The following NRF1 variants were observed in gnomAD, a reference collection of about 807,000 sequenced individuals.
NRF1 encodes the protein nuclear respiratory factor 1.
In NRF1, 5 loss-of-function variants were observed where a neutral mutation model predicts 58.5. The observed-to-expected ratio is 0.09, with a 90% CI of 0.04 to 0.18. The LOEUF is 0.18. NRF1 is among the 10% of genes least tolerant of loss of function. The pLI, the probability that NRF1 is intolerant of heterozygous loss-of-function variation, is 1.00. For missense variants in NRF1, 288 were observed against 657.7 expected (o/e 0.44, Z 6.15); for synonymous variants, 224 against 246.7 (o/e 0.91, Z 0.86).
At chr7:129,653,724 C>T (rs1801589941) in intron 1 of NRF1, among the ~76,000 whole-genome samples, 1 of 152,188 alleles carries the variant, frequency 6.6e-6, no homozygotes, top group African/African-American at 2.4e-5. Flanking sequence ...TAATTGGAAT[C>T]ATAAGTGTGT....
chr7:129,753,551 A>C (rs1245909010), intron 10 of NRF1, among the ~76,000 whole-genome samples: 4 of 152,182 alleles, frequency 2.6e-5, no homozygotes, highest in African/African-American at 9.7e-5. Context: ...CTAGTTTCAG[A>C]AGGAAGAGAG....
intron 10 of NRF1, chr7:129,744,326 T>C: frequency 9.7e-7 from 1 of 1,031,864 alleles, no homozygotes; most frequent in Non-Finnish European, 1.5e-6. Context: ...ATGGTGGGAT[T>C]CCTCTACTGT....
At chr7:129,633,902 T>G (rs1257607512) in intron 1 of NRF1, 1 of 151,416 alleles carries the variant, frequency 6.6e-6, no homozygotes, top group African/African-American at 2.4e-5. Flanking sequence ...TGTGAAAGTA[T>G]TCAGCATTAT....
At chr7:129,735,251 G>C (rs1803679547) in intron 10 of NRF1, 1 of 985,288 alleles carries the variant, frequency 1.0e-6, no homozygotes, top group African/African-American at 1.7e-5. Context: ...AATTAAAGCT[G>C]CTGGGTGCGG....
At chr7:129,712,663 G>A (rs952446904) in intron 8 of NRF1, among the ~76,000 whole-genome samples, 1 of 152,188 alleles carries the variant, frequency 6.6e-6, no homozygotes, top group Non-Finnish European at 1.5e-5. Flanking sequence ...AGATGTCTAC[G>A]TGAATGAACT....
intron 1 of NRF1, among the ~76,000 whole-genome samples, chr7:129,619,417 TATATATATATATATATAC>T (rs1477073017): frequency 4.1e-5 from 4 of 96,608 alleles, no homozygotes; most frequent in Admixed American, 2.1e-4. Flanking sequence ...TATATATATA[TATATATATATATATATAC>T]ACACACACAC....
At chr7:129,630,891 TTTATG>T (rs1413958906) in intron 1 of NRF1, among the ~76,000 whole-genome samples, 1 of 152,192 alleles carries the variant, frequency 6.6e-6, no homozygotes, top group African/African-American at 2.4e-5. Context: ...TTAAACCAGT[TTTATG>T]TTAACCTAAA....
intron 3 of NRF1, among the ~76,000 whole-genome samples, chr7:129,673,699 A>G (rs1327860662): frequency 2.3e-5 from 3 of 132,506 alleles, no homozygotes; most frequent in Admixed American, 8.4e-5. Context: ...CCTGGGCGAC[A>G]GAGCGAGACT....
At chr7:129,634,577 A>T (rs1274828642) in intron 1 of NRF1, among the ~76,000 whole-genome samples, 1 of 152,208 alleles carries the variant, frequency 6.6e-6, no homozygotes, top group African/African-American at 2.4e-5. Context: ...CAAGTTGTTT[A>T]TCATTCACAT....
intron 1 of NRF1, among the ~76,000 whole-genome samples, chr7:129,628,620 C>T (rs1167836981): frequency 6.6e-6 from 1 of 152,180 alleles, no homozygotes; most frequent in African/African-American, 2.4e-5. Context: ...TGCTTTTGCA[C>T]TCAGTCTGCT....
At chr7:129,652,739 C>T (rs1415551986) in intron 1 of NRF1, among the ~76,000 whole-genome samples, 4 of 152,110 alleles carry the variant, frequency 2.6e-5, no homozygotes, top group South Asian at 4.2e-4. Context: ...TGCAGGCGCC[C>T]GCCACCACTC....
At chr7:129,737,076 T>A (rs929122429) in intron 10 of NRF1, among the ~76,000 whole-genome samples, 4 of 152,264 alleles carry the variant, frequency 2.6e-5, no homozygotes, top group African/African-American at 9.6e-5. Flanking sequence ...TCTTTAGCTG[T>A]CAGCATCAAT....
intron 1 of NRF1, among the ~76,000 whole-genome samples, chr7:129,612,660 C>T (rs1800563346): frequency 6.6e-6 from 1 of 152,306 alleles, no homozygotes; most frequent in African/African-American, 2.4e-5. Context: ...GTGGCACGCC[C>T]CTCCGAAGGA....
intron 9 of NRF1, among the ~76,000 whole-genome samples, chr7:129,719,464 G>C (rs1326176357): frequency 6.7e-6 from 1 of 149,450 alleles, no homozygotes; most frequent in Non-Finnish European, 1.5e-5. Flanking sequence ...AGTATGGCCA[G>C]AGATTGGTGG....
In NRF1 at chr7:129,695,277, A is replaced by G. The variant is rs553196424; in HGVS notation, c.606+4731A>G. ...TGTGTATAGAACTTTGGAGGGATGC[A>G]CATTAAAATCTTAACACTGCCGGGC... On this transcript the variant is annotated intron_variant, in intron 5 of 10. Transcript: ENST00000393232. Among the ~76,000 whole-genome samples, 13 of 152,088 alleles carry G rather than the reference A, an allele frequency of 8.5e-5. No homozygotes were observed. The South Asian group carries it at 2.7e-3, about 32-fold the overall frequency.
chr7:129,645,024 G>C (rs191089980), intron 1 of NRF1, among the ~76,000 whole-genome samples: 292 of 148,444 alleles, frequency 2.0e-3, no homozygotes, highest in Non-Finnish European at 3.3e-3. Context: ...AATGTGATCT[G>C]TAAACATTAT....
chr7:129,613,326 C>G (rs1800583937), intron 1 of NRF1, among the ~76,000 whole-genome samples: 1 of 152,094 alleles, frequency 6.6e-6, no homozygotes, highest in Non-Finnish European at 1.5e-5. Context: ...TCATTAGTAT[C>G]CCGACTCCCT....
chr7:129,625,593 T>C (rs1015055551), intron 1 of NRF1, among the ~76,000 whole-genome samples: 2 of 151,680 alleles, frequency 1.3e-5, no homozygotes, highest in Admixed American at 6.6e-5. Context: ...CTTAAACTCC[T>C]GGGCTCGGGC....
In NRF1 at chr7:129,728,374, C is replaced by G. The variant is rs1675283470; in HGVS notation, c.1348+1009C>G. On this transcript the variant is annotated intron_variant, in intron 10 of 10. Transcript: ENST00000393232. ...TCCATGGTGGTGTGCGAGGCTGAGGCAAGAAAATCGCTTGAACCCGAGAGG... is the reference window on the plus strand; with the variant it reads ...TCCATGGTGGTGTGCGAGGCTGAGGGAAGAAAATCGCTTGAACCCGAGAGG... 2.9e-5 allele frequency among the ~76,000 whole-genome samples: 4 copies of G among 139,436 alleles called. No individual in the cohort carries two copies. In the South Asian group the frequency reaches 9.2e-4, roughly 32 times the overall value. 91.5% of individuals were successfully genotyped at this position (139,436 alleles called of 152,430 possible).
Sources: allele counts gnomAD v4.1 joint callset (sites outside exome capture counted in the v4.1 genomes callset), GRCh38; gene constraint gnomAD v4.1.1; transcripts MANE v1.5; gene names NCBI Gene and HGNC (gene_info 2026-07-23, HGNC 2026-07-21).